The following STARD9 variants were observed in gnomAD, a reference collection of about 807,000 sequenced individuals.
STARD9 encodes StAR related lipid transfer domain containing 9, also known as stAR-related lipid transfer protein 9.
STARD9 carries 346 observed loss-of-function variants against 399.8 expected under a neutral mutation model. The ratio of observed to expected loss-of-function variants is 0.87; its 90% CI spans 0.79 to 0.95. The LOEUF (loss-of-function observed/expected upper bound fraction) is 0.95, where lower values mean the gene tolerates loss of function less well. Ranked by LOEUF, STARD9 falls within the 40% of genes least tolerant of loss-of-function variation. The pLI is 0.00. For synonymous variants in STARD9, 2,203 were observed against 2,143.5 expected (o/e 1.03, Z -0.77); for missense variants, 5,832 against 5,667.5 (o/e 1.03, Z -0.93).
At chr15:42,674,999 G>T in intron 18 of STARD9, 35 bp downstream of exon 18, 2 of 1,486,638 alleles carry the variant, frequency 1.3e-6, no homozygotes, top group South Asian at 2.7e-5. Flanking sequence ...ATCCCAAGAT[G>T]AGTGATGGAC....
intron 3 of STARD9, among the ~76,000 whole-genome samples, chr15:42,593,654 CTTTTTTTTTTT>C (rs71108170): frequency 1.5e-5 from 1 of 66,890 alleles, no homozygotes; most frequent in Non-Finnish European, 2.6e-5. Context: ...GGTTGTGCTT[CTTTTTTTTTTT>C]TTTTTTTTTT....
chr15:42,637,461 C>T (rs1205583017), intron 4 of STARD9, among the ~76,000 whole-genome samples: 1 of 152,132 alleles, frequency 6.6e-6, no homozygotes, highest in Admixed American at 6.5e-5. Context: ...GTGATCCACC[C>T]ACCTCGGCCT....
At position 42,657,862 on chromosome 15, in the gene STARD9, A is replaced by G. The variant is rs542862323; in HGVS notation, c.703-3296A>G. 3.3e-5 allele frequency among the ~76,000 whole-genome samples: 5 copies of G among 152,370 alleles called. No individual in the cohort carries two copies. In the South Asian group the frequency reaches 6.2e-4, roughly 19 times the overall value. Reference sequence around the variant, plus strand: ...GATTTTTAATAAAGTTGCAAAGGCAATTCAGTGGAGAAAATATGTTTTCAG... The same window carrying G: ...GATTTTTAATAAAGTTGCAAAGGCAGTTCAGTGGAGAAAATATGTTTTCAG... On this transcript the variant is annotated intron_variant, in intron 9 of 32. Coordinates refer to ENST00000290607, the MANE Select transcript of STARD9 (RefSeq NM_020759.3).
intron 16 of STARD9, chr15:42,673,097 C>CA (rs372408591): frequency 0.012 from 1,208 of 102,926 alleles, 12 homozygotes; most frequent in African/African-American, 0.03. Flanking sequence ...GACTCCATCT[C>CA]AAAAAAAAAA....
intron 26 of STARD9, among the ~76,000 whole-genome samples, chr15:42,705,761 T>G (rs2061062454): frequency 6.6e-6 from 1 of 151,188 alleles, no homozygotes; most frequent in Non-Finnish European, 1.5e-5. Flanking sequence ...TTGTTTATTT[T>G]TTATTTTTTG....
intron 17 of STARD9, 148 bp downstream of exon 17, chr15:42,674,639 CTG>C: frequency 8.2e-7 from 1 of 1,212,170 alleles, no homozygotes; most frequent in Non-Finnish European, 1.1e-6. Context: ...GGTTTCAGGT[CTG>C]GGACGTCACA....
rs768142954 is a variant in STARD9, at chr15:42,692,714, G to A, written c.11136G>A (p.Arg3712=). The A allele has an allele frequency of 4.6e-6, 7 of 1,536,892 alleles. No individual in the cohort carries two copies. In the African/African-American group the frequency reaches 9.6e-5, roughly 21 times the overall value. The change falls in exon 23 of 33, where the codon AGG becomes AGA. Residue 3712 remains arginine, a synonymous_variant. Transcript: ENST00000290607. ...CCAGAAGGGAGCAGAACACCAAGAG[G>A]GACATCCCAGATAAAGCCCCACAGG... ...DVARREQNTK[R]DIPDKAPQAL...
intron 22 of STARD9, among the ~76,000 whole-genome samples, chr15:42,683,359 G>C (rs76473483): frequency 0.04 from 6,117 of 152,208 alleles, 393 homozygotes; most frequent in African/African-American, 0.14. Context: ...GCAATTATTA[G>C]GTTTTACACA....
intron 3 of STARD9, among the ~76,000 whole-genome samples, chr15:42,603,184 T>A (rs2058664253): frequency 6.6e-6 from 1 of 152,228 alleles, no homozygotes; most frequent in East Asian, 1.9e-4. Context: ...ATTTATTTAT[T>A]TATTTTCGAG....
intron 26 of STARD9, among the ~76,000 whole-genome samples, chr15:42,699,834 G>A (rs1343971405): frequency 1.3e-5 from 2 of 152,016 alleles, no homozygotes; most frequent in Admixed American, 6.6e-5. Flanking sequence ...AGCTTCCCAA[G>A]TAGCTAGAAT....
intron 20 of STARD9, among the ~76,000 whole-genome samples, chr15:42,679,587 A>C (rs1219480481): frequency 6.6e-6 from 1 of 152,016 alleles, no homozygotes; most frequent in African/African-American, 2.4e-5. Flanking sequence ...TCCATCTTTT[A>C]CTATCCTCCA....
intron 3 of STARD9, among the ~76,000 whole-genome samples, chr15:42,634,573 T>A (rs1261882423): frequency 6.6e-6 from 1 of 152,214 alleles, no homozygotes; most frequent in East Asian, 1.9e-4. Flanking sequence ...TCTTCTACAC[T>A]CTCTTTGCCT....
At chr15:42,592,010 A>G (rs2058405478) in intron 3 of STARD9, among the ~76,000 whole-genome samples, 1 of 152,214 alleles carries the variant, frequency 6.6e-6, no homozygotes, top group Non-Finnish European at 1.5e-5. Flanking sequence ...TTTAACTCTA[A>G]ATTTTATGTC....
At chr15:42,584,590 C>G (rs1035121217) in intron 2 of STARD9, among the ~76,000 whole-genome samples, 1 of 152,138 alleles carries the variant, frequency 6.6e-6, no homozygotes, top group African/African-American at 2.4e-5. Flanking sequence ...GGTTGTCTTT[C>G]CCTGTCCGGA....
At chr15:42,674,630 G>C in intron 17 of STARD9, 139 bp downstream of exon 17, 1 of 1,212,294 alleles carries the variant, frequency 8.2e-7, no homozygotes, top group Non-Finnish European at 1.1e-6. Context: ...CTGCTGCTAG[G>C]TTTCAGGTCT....
At chr15:42,681,161 C>T (rs2060419123) in intron 20 of STARD9, among the ~76,000 whole-genome samples, 2 of 152,068 alleles carry the variant, frequency 1.3e-5, no homozygotes, top group South Asian at 4.1e-4. Flanking sequence ...GGTGATTTTC[C>T]TTAACTAAAA....
rs1466653202 is a variant in STARD9 at position 42,693,804 on chromosome 15, C to T, written c.12226C>T (p.Pro4076Ser). 6.5e-7 allele frequency: 1 copy of T among 1,536,378 alleles called. No homozygotes were observed. The highest frequency in any genetic ancestry group is 8.7e-7 in the Non-Finnish European group (1 of 1,146,618). Residue 4076 changes from proline (P) to serine (S), a missense_variant, in exon 23 of 33, where the codon CCT (proline) becomes TCT (serine). Physicochemically the swap from Pro to Ser is moderately conservative, Grantham distance 74. This residue lies in a region of STARD9 where 5,828 missense variants were observed against 5,651.1 expected (regional missense o/e 1.03). Coordinates refer to ENST00000290607, the MANE Select transcript of STARD9 (RefSeq NM_020759.3). ...GGAACCACAACGCACTCTGGACCGA[C>T]CTTCTTCATGGGGAGGCCTCCAGCA... ...PGEPQRTLDR[P>S]SSWGGLQHLS...
intron 26 of STARD9, among the ~76,000 whole-genome samples, chr15:42,699,594 C>A (rs1488367443): frequency 2.0e-5 from 3 of 151,744 alleles, no homozygotes; most frequent in African/African-American, 7.3e-5. Context: ...GGGGTTTCAC[C>A]ATGTTAGCCA....
chr15:42,675,375 T>C (rs897906277), intron 18 of STARD9: 4 of 477,366 alleles, frequency 8.4e-6, no homozygotes, highest in Admixed American at 7.6e-5. Flanking sequence ...GCAAATTCTG[T>C]CTGTTCTTTT....
Sources: gnomAD v4.1 joint callset for allele counts (sites outside exome capture counted in the v4.1 genomes callset) on GRCh38, gnomAD v4.1.1 for gene constraint, gnomAD v4.1.1 regional missense constraint, MANE v1.5 for transcripts, NCBI Gene and HGNC (gene_info 2026-07-23, HGNC 2026-07-21) for gene names.